Variants in SLC38A9 observed in about 807,000 individuals in gnomAD.
The protein encoded by SLC38A9 is neutral amino acid transporter 9.
A neutral mutation model predicts 62.3 loss-of-function variants in SLC38A9; 48 were observed. The ratio of observed to expected loss-of-function variants is 0.77; its 90% CI spans 0.61 to 0.98. SLC38A9 has a LOEUF of 0.98. Ranked by LOEUF, SLC38A9 falls within the 50% of genes least tolerant of loss-of-function variation. SLC38A9 has a pLI of 0.00. For missense variants in SLC38A9, 541 were observed against 679.8 expected, an observed-to-expected ratio of 0.80 and a Z score of 2.27; for synonymous variants, 204 against 227.7, an observed-to-expected ratio of 0.90 and a Z score of 0.94.
At chr5:55,632,306 T>C (rs576870638) in intron 14 of SLC38A9, among the ~76,000 whole-genome samples, 3 of 152,130 alleles carry the variant, frequency 2.0e-5, no homozygotes, top group East Asian at 3.9e-4. Context: ...GGCATGGTGG[T>C]GGGCGCCTGT....
chr5:55,639,983 C>CTTTT (rs36073153), intron 12 of SLC38A9, among the ~76,000 whole-genome samples: 21 of 98,458 alleles, frequency 2.1e-4, no homozygotes, highest in South Asian at 3.9e-4. Context: ...TAAACCTTTG[C>CTTTT]TTTTTTTTTT....
chr5:55,667,139 G>A (rs1451185605), intron 7 of SLC38A9, among the ~76,000 whole-genome samples: 2 of 152,192 alleles, frequency 1.3e-5, no homozygotes, highest in Non-Finnish European at 2.9e-5. Context: ...AGGTTGCATT[G>A]AGCTGAGTGA....
At chr5:55,694,642 T>C (rs184875927) in intron 3 of SLC38A9, among the ~76,000 whole-genome samples, 2 of 152,254 alleles carry the variant, frequency 1.3e-5, no homozygotes, top group East Asian at 3.9e-4. Flanking sequence ...ACAAGAAATA[T>C]AGGATAAAAT....
chr5:55,672,319 A>G (rs147033645), intron 4 of SLC38A9, among the ~76,000 whole-genome samples: 3 of 152,358 alleles, frequency 2.0e-5, no homozygotes, highest in Admixed American at 2.0e-4. Flanking sequence ...AATGGGGATC[A>G]GGAGAATTTA....
intron 12 of SLC38A9, among the ~76,000 whole-genome samples, chr5:55,637,119 T>C (rs1018021137): frequency 6.6e-6 from 1 of 152,138 alleles, no homozygotes. Flanking sequence ...AGAACAGAGG[T>C]AGCCTTGTAA....
At chr5:55,710,086 GAAA>G (rs11394301) in intron 2 of SLC38A9, among the ~76,000 whole-genome samples, 2 of 118,904 alleles carry the variant, frequency 1.7e-5, no homozygotes, top group Non-Finnish European at 3.3e-5. Context: ...AAAAAAAAAA[GAAA>G]AAAAAAAGAA....
intron 8 of SLC38A9, among the ~76,000 whole-genome samples, chr5:55,660,181 C>A (rs993416358): frequency 2.0e-5 from 3 of 151,860 alleles, no homozygotes; most frequent in African/African-American, 7.2e-5. Context: ...GAGGCCAAGG[C>A]GGGCAGACTG....
intron 7 of SLC38A9, 76 bp downstream of exon 7, chr5:55,669,152 T>C: frequency 1.9e-6 from 2 of 1,035,274 alleles, no homozygotes; most frequent in Non-Finnish European, 2.9e-6. Context: ...ATGTAGCATA[T>C]ACACACTAGT....
chr5:55,640,641 G>A (rs768638804), intron 12 of SLC38A9, among the ~76,000 whole-genome samples: 1 of 152,166 alleles, frequency 6.6e-6, no homozygotes, highest in East Asian at 1.9e-4. Flanking sequence ...CGAGTGAAAA[G>A]TTAAGCACAG....
At chr5:55,639,787 A>G (rs1203261612) in intron 12 of SLC38A9, among the ~76,000 whole-genome samples, 1 of 152,122 alleles carries the variant, frequency 6.6e-6, no homozygotes, top group Non-Finnish European at 1.5e-5. Flanking sequence ...GAGAGTATAT[A>G]TATTTACATA....
chr5:55,635,614 T>C lies in SLC38A9; in HGVS notation c.1211A>G (p.Tyr404Cys). 1.9e-6 allele frequency: 3 copies of C among 1,613,904 alleles called. No individual in the cohort carries two copies. The highest frequency in any genetic ancestry group is 2.5e-6 in the Non-Finnish European group (3 of 1,179,864). ...AAAAACCAGGACTCCAATATAGAGATAAGTTAATGTCACCAGCATATAAGC... is the reference window on the plus strand; with the variant it reads ...AAAAACCAGGACTCCAATATAGAGACAAGTTAATGTCACCAGCATATAAGC... ...CIAYMLVTLT[Y>C]LYIGVLVFAS... Residue 404 changes from tyrosine to cysteine, a missense_variant, in exon 13 of 16, where the codon TAT (tyrosine) becomes TGT (cysteine). Coordinates refer to ENST00000396865, the MANE Select transcript of SLC38A9 (RefSeq NM_173514.4).
At chr5:55,697,389 A>T (rs1381250573) in intron 3 of SLC38A9, among the ~76,000 whole-genome samples, 2 of 152,148 alleles carry the variant, frequency 1.3e-5, no homozygotes, top group Non-Finnish European at 2.9e-5. Context: ...CTTACTGTTT[A>T]TAATTTTTTT....
At chr5:55,697,656 A>C (rs1580416214) in intron 3 of SLC38A9, among the ~76,000 whole-genome samples, 190 bp downstream of exon 3, 2 of 16,290 alleles carry the variant, frequency 1.2e-4, no homozygotes, top group Admixed American at 6.8e-4. Flanking sequence ...AGTTTAGTGA[A>C]AAAAAAAAAA....
chr5:55,635,797 A>G (rs1744302300), intron 12 of SLC38A9, 140 bp from the exon 13 acceptor site: 9 of 592,982 alleles, frequency 1.5e-5, no homozygotes, highest in East Asian at 2.8e-5. Context: ...TAGATATTCA[A>G]TTTGTTCACA....
intron 4 of SLC38A9, among the ~76,000 whole-genome samples, chr5:55,670,635 A>G (rs542380597): frequency 6.6e-6 from 1 of 152,224 alleles, no homozygotes; most frequent in Admixed American, 6.5e-5. Flanking sequence ...TCTCAGTGTC[A>G]GTTAACAAAT....
At chr5:55,712,112 T>G (rs1464122669) in intron 1 of SLC38A9, 105 bp downstream of exon 1, 1 of 152,222 alleles carries the variant, frequency 6.6e-6, no homozygotes, top group Non-Finnish European at 1.5e-5. Flanking sequence ...CTATCCCAGG[T>G]GACAGCCGGC....
chr5:55,656,860 C>CTT (rs11397177), intron 8 of SLC38A9, 86 bp from the exon 9 acceptor site: 240,380 of 458,712 alleles, frequency 0.52, 44,505 homozygotes, highest in Non-Finnish European at 0.55. Context: ...TTATAAAAAT[C>CTT]TTTTTTTTTT....
At chr5:55,675,718 T>A (rs1752000398) in intron 3 of SLC38A9, among the ~76,000 whole-genome samples, 2 of 152,178 alleles carry the variant, frequency 1.3e-5, no homozygotes, top group African/African-American at 4.8e-5. Context: ...GCTTTTAATA[T>A]TAAGCAAAAT....
chr5:55,668,418 A>T (rs1750807261), intron 7 of SLC38A9, among the ~76,000 whole-genome samples: 1 of 152,188 alleles, frequency 6.6e-6, no homozygotes, highest in Non-Finnish European at 1.5e-5. Context: ...TTATTTTTTA[A>T]GATGAAGTAT....
Sources: gnomAD v4.1 joint callset for allele counts (sites outside exome capture counted in the v4.1 genomes callset) on GRCh38, gnomAD v4.1.1 for gene constraint, MANE v1.5 for transcripts, NCBI Gene and HGNC (gene_info 2026-07-23, HGNC 2026-07-21) for gene names.